INSR: variants seen among roughly 807,000 people sequenced by gnomAD.
INSR encodes IR.
A neutral mutation model predicts 142.6 loss-of-function variants in INSR; 67 were observed. The ratio of observed to expected loss-of-function variants is 0.47; its 90% CI spans 0.39 to 0.58. The LOEUF (loss-of-function observed/expected upper bound fraction) is 0.58. INSR is among the 20% of genes least tolerant of loss of function. The pLI is 0.00. For missense variants in INSR, 1,248 were observed against 1,833.2 expected (o/e 0.68, Z 5.83); for synonymous variants, 756 against 743.1 (o/e 1.02, Z -0.28).
intron 2 of INSR, among the ~76,000 whole-genome samples, chr19:7,257,859 G>C (rs1221977249): frequency 6.6e-6 from 1 of 152,138 alleles, no homozygotes; most frequent in Non-Finnish European, 1.5e-5. Flanking sequence ...GTCTCACCCT[G>C]TCACCCAGGC....
At chr19:7,128,230 C>T (rs573835783) in intron 15 of INSR, among the ~76,000 whole-genome samples, 5 of 147,852 alleles carry the variant, frequency 3.4e-5, no homozygotes, top group African/African-American at 5.0e-5. Flanking sequence ...TTTTTTTTCC[C>T]GAGACGGAGT....
At position 7,192,474 on chromosome 19, in the gene INSR, C is replaced by T. The variant is rs546693597; in HGVS notation, c.653-7837G>A. Among the ~76,000 whole-genome samples the T allele has an allele frequency of 2.0e-5, 3 of 152,196 alleles. No homozygotes were observed. In the South Asian group the frequency reaches 6.2e-4, roughly 32 times the overall value. ...CCAGTGGAGGACGGGGTTGACTTTC[C>T]TCTCCCTGTGCCCCTGACCTGATCC... is the stretch of plus-strand genomic sequence containing the variant. On this transcript the variant is annotated intron_variant, in intron 2 of 21. Transcript: ENST00000302850. The surrounding 1 kb of genome is among the most constrained non-coding windows in gnomAD (Gnocchi z 4.2).
chr19:7,187,857 C>G (rs1427802863), intron 2 of INSR, among the ~76,000 whole-genome samples: 1 of 152,180 alleles, frequency 6.6e-6, no homozygotes, highest in Non-Finnish European at 1.5e-5. Context: ...CAAGTATGAG[C>G]CACTGTGCCT....
intron 2 of INSR, among the ~76,000 whole-genome samples, chr19:7,209,696 G>C (rs1052341575): frequency 6.6e-6 from 1 of 152,036 alleles, no homozygotes; most frequent in Non-Finnish European, 1.5e-5. Context: ...TTACAGGTGT[G>C]AGCCATGACG....
At chr19:7,187,627 C>T (rs2032685315) in intron 2 of INSR, among the ~76,000 whole-genome samples, 1 of 152,052 alleles carries the variant, frequency 6.6e-6, no homozygotes, top group Non-Finnish European at 1.5e-5. Context: ...TTCTGGGGTA[C>T]AGTGACACAG....
At chr19:7,190,273 C>T (rs1331992994) in intron 2 of INSR, among the ~76,000 whole-genome samples, 3 of 151,904 alleles carry the variant, frequency 2.0e-5, no homozygotes, top group Admixed American at 6.6e-5. Context: ...CTAACACTGC[C>T]TTCTTATTTC....
chr19:7,253,094 A>G, intron 2 of INSR, among the ~76,000 whole-genome samples: 1 of 143,200 alleles, frequency 7.0e-6, no homozygotes, highest in Non-Finnish European at 1.5e-5. Context: ...CAGCCTGGTG[A>G]CAGAGTGAGA....
chr19:7,122,422 AAC>A, intron 19 of INSR, 190 bp downstream of exon 19: 1 of 608,678 alleles, frequency 1.6e-6, no homozygotes, highest in South Asian at 1.9e-5. Context: ...CAGCCTGGGC[AAC>A]AGACAGAGTA....
At chr19:7,193,675 T>C (rs1974660906) in intron 2 of INSR, among the ~76,000 whole-genome samples, 1 of 152,082 alleles carries the variant, frequency 6.6e-6, no homozygotes, top group African/African-American at 2.4e-5. Flanking sequence ...ACATATTTTT[T>C]TCAAGTAGCT....
At chr19:7,248,485 CAAAAAAAAAAAA>C (rs758091489) in intron 2 of INSR, among the ~76,000 whole-genome samples, 1 of 35,410 alleles carries the variant, frequency 2.8e-5, no homozygotes, top group Non-Finnish European at 4.5e-5. Context: ...GACCCCATCT[CAAAAAAAAAAAA>C]AAAAAAAAAA....
chr19:7,203,950 T>C (rs1043917200), intron 2 of INSR, among the ~76,000 whole-genome samples: 2 of 152,200 alleles, frequency 1.3e-5, no homozygotes, highest in Non-Finnish European at 2.9e-5. Context: ...TGGTGTGATC[T>C]TGGCTCACTG....
chr19:7,152,200 A>T, intron 10 of INSR: 1 of 210,210 alleles, frequency 4.8e-6, no homozygotes, highest in Non-Finnish European at 9.6e-6. Flanking sequence ...AGACCAGCCT[A>T]GCCAACATGG....
At chr19:7,234,207 C>G (rs1383785808) in intron 2 of INSR, among the ~76,000 whole-genome samples, 1 of 151,770 alleles carries the variant, frequency 6.6e-6, no homozygotes, top group Admixed American at 6.6e-5. Flanking sequence ...CTGCATCTGG[C>G]CCCTATTATT....
chr19:7,135,946 C>T (rs1235618883), intron 13 of INSR, among the ~76,000 whole-genome samples: 2 of 144,746 alleles, frequency 1.4e-5, no homozygotes, highest in Admixed American at 1.5e-4. Context: ...GTAGCCTGGG[C>T]TACAGAGATA....
intron 2 of INSR, among the ~76,000 whole-genome samples, chr19:7,215,146 G>A (rs553056221): frequency 2.0e-5 from 3 of 152,024 alleles, no homozygotes; most frequent in Non-Finnish European, 2.9e-5. Context: ...GTAGACAAAG[G>A]TCATACAGCA....
chr19:7,236,990 G>A (rs956011629), intron 2 of INSR, among the ~76,000 whole-genome samples: 2 of 148,364 alleles, frequency 1.3e-5, no homozygotes, highest in African/African-American at 5.0e-5. Flanking sequence ...TCGCGCCACT[G>A]CACTCCAGCC....
At chr19:7,255,948 T>C (rs2145186199) in intron 2 of INSR, among the ~76,000 whole-genome samples, 1 of 151,878 alleles carries the variant, frequency 6.6e-6, no homozygotes, top group East Asian at 1.9e-4. Flanking sequence ...TCTGGAACAA[T>C]CTCTCCTCTT....
intron 4 of INSR, among the ~76,000 whole-genome samples, chr19:7,174,304 T>TA (rs1974085901): frequency 1.3e-5 from 2 of 151,096 alleles, no homozygotes; most frequent in Admixed American, 1.3e-4. Flanking sequence ...AAAATAAAAA[T>TA]AAAAATAAAA....
At chr19:7,227,580 G>A (rs1486731893) in intron 2 of INSR, among the ~76,000 whole-genome samples, 1 of 152,130 alleles carries the variant, frequency 6.6e-6, no homozygotes, top group Non-Finnish European at 1.5e-5. Flanking sequence ...GTCAACATTT[G>A]CATTCTCGTC....
Sources: gnomAD v4.1 joint callset for allele counts (sites outside exome capture counted in the v4.1 genomes callset) on GRCh38, gnomAD v4.1.1 for gene constraint, Gnocchi (gnomAD v3.1) non-coding constraint, MANE v1.5 for transcripts, NCBI Gene and HGNC (gene_info 2026-07-23, HGNC 2026-07-21) for gene names.